FBXO42: variants seen among roughly 807,000 people sequenced by gnomAD.
FBXO42 encodes F-box protein 42.
A neutral mutation model predicts 71.7 loss-of-function variants in FBXO42; 12 were observed. The observed-to-expected ratio is 0.17, with a 90% CI of 0.11 to 0.27. The LOEUF is 0.27. FBXO42 is among the 10% of genes least tolerant of loss of function. The probability of loss-of-function intolerance (pLI) is 1.00; values close to 1 mark genes in which losing one functional copy is unlikely to be tolerated. For synonymous variants in FBXO42, 325 were observed against 327.5 expected, an observed-to-expected ratio of 0.99 and a Z score of 0.08; for missense variants, 707 against 911.9, an observed-to-expected ratio of 0.78 and a Z score of 2.89.
intron 1 of FBXO42, among the ~76,000 whole-genome samples, chr1:16,329,162 CAAA>C (rs1221377687): frequency 8.3e-5 from 5 of 60,448 alleles, no homozygotes; most frequent in Non-Finnish European, 6.6e-5. Flanking sequence ...GACTCTGTCT[CAAA>C]AAAAAAAAAA....
intron 4 of FBXO42, among the ~76,000 whole-genome samples, chr1:16,272,154 C>CAAAAA (rs999974704): frequency 6.7e-5 from 3 of 44,638 alleles, no homozygotes; most frequent in African/African-American, 1.8e-4. Context: ...GACTCCGTCC[C>CAAAAA]AAAAAAAAAA....
chr1:16,270,207 A>G (rs577569875), intron 4 of FBXO42, among the ~76,000 whole-genome samples: 8 of 152,218 alleles, frequency 5.3e-5, no homozygotes, highest in African/African-American at 1.9e-4. Context: ...TAACCCATTA[A>G]TCCAGGAACG....
rs2082479350 is a variant in FBXO42 at position 16,329,598 on chromosome 1, A to C, written c.-17-14163T>G. Reference sequence around the variant, plus strand: ...GACTCCATCTATAAATCAATCAATCAATCAATCCCAAAGTACAAAATGAAT... The same window carrying C: ...GACTCCATCTATAAATCAATCAATCCATCAATCCCAAAGTACAAAATGAAT... On this transcript the variant is annotated intron_variant, in intron 1 of 9. Transcript: ENST00000375592. Among the ~76,000 whole-genome samples, 3 of 151,524 alleles carry C rather than the reference A, an allele frequency of 2.0e-5. No homozygotes were observed. The East Asian group carries it at 5.8e-4, about 29-fold the overall frequency.
At chr1:16,328,904 C>T (rs1055531007) in intron 1 of FBXO42, among the ~76,000 whole-genome samples, 7 of 152,118 alleles carry the variant, frequency 4.6e-5, no homozygotes, top group African/African-American at 1.7e-4. Flanking sequence ...GTGGCTCACG[C>T]CTGTAATCCC....
In FBXO42 at chr1:16,251,269, C is replaced by T. The variant is rs1477764273; in HGVS notation, c.1555G>A (p.Asp519Asn). Residue 519 changes from aspartate (D) to asparagine (N), a missense_variant, in exon 10 of 10, where the codon GAC becomes AAC. Asp to Asn is a conservative substitution (Grantham distance 23). Coordinates refer to ENST00000375592, the MANE Select transcript of FBXO42 (RefSeq NM_018994.3). This position sits in a 1 kb window ranked among gnomAD's most constrained non-coding sequence, Gnocchi z 4.5. ...ASSSNPMDGMDNRTVGGSMRH... is the reference protein window; with the variant it reads ...ASSSNPMDGMNNRTVGGSMRH... ...ATACTTCCCCCAACTGTCCTATTGT[C>T]CATGCCATCCATGGGATTACTACTG... 2.5e-6 allele frequency: 4 copies of T among 1,614,076 alleles called. No individual in the cohort carries two copies. Among genetic ancestry groups the T allele is most frequent in the Non-Finnish European group, 3.4e-6 (4 of 1,180,042 alleles).
At chr1:16,321,694 T>G (rs1256574286) in intron 1 of FBXO42, among the ~76,000 whole-genome samples, 1 of 63,276 alleles carries the variant, frequency 1.6e-5, no homozygotes, top group African/African-American at 6.6e-5. Flanking sequence ...CTCGCAAGGG[T>G]TTTTTTTTTT....
Position 16,303,256 on chromosome 1 carries a change from C to T in FBXO42, c.367+2547G>A, listed in dbSNP as rs545151851. On this transcript the variant is annotated intron_variant, in intron 3 of 9. Transcript: ENST00000375592. ...GCACACTAACGCTGAAGCTTGCTGA[C>T]GGAAGAATGCAAGGCTAGTTGCATG... is the stretch of plus-strand genomic sequence containing the variant. 1.2e-4 allele frequency among the ~76,000 whole-genome samples: 18 copies of T among 152,234 alleles called. No individual in the cohort carries two copies. The East Asian group carries it at 3.3e-3, about 28-fold the overall frequency.
chr1:16,347,102 A>T (rs928587831), intron 1 of FBXO42, among the ~76,000 whole-genome samples: 14 of 152,242 alleles, frequency 9.2e-5, no homozygotes, highest in Middle Eastern at 6.8e-3. Context: ...CTATACATTT[A>T]TCAGATTTAT....
chr1:16,260,823 C>T (rs2081703633), intron 4 of FBXO42, among the ~76,000 whole-genome samples: 1 of 152,106 alleles, frequency 6.6e-6, no homozygotes, highest in Non-Finnish European at 1.5e-5. Flanking sequence ...CCTCAGCCTC[C>T]TAAGCAGCTA....
chr1:16,271,258 GGTGTGTGTGTGTGTGTGTGTGTGTGTGT>G (rs57827739), intron 4 of FBXO42, among the ~76,000 whole-genome samples: 1 of 137,426 alleles, frequency 7.3e-6, no homozygotes, highest in South Asian at 2.5e-4. Context: ...TGTGTGTGTT[GGTGTGTGTGTGTGTGTGTGTGTGTGTGT>G]GTGTGTGTGT....
intron 2 of FBXO42, among the ~76,000 whole-genome samples, chr1:16,313,148 A>T (rs968347881): frequency 6.8e-6 from 1 of 147,774 alleles, no homozygotes; most frequent in African/African-American, 2.5e-5. Flanking sequence ...AGTGCTCTTT[A>T]AAAAAAAAGT....
chr1:16,310,193 C>CAAAA (rs558283325), intron 2 of FBXO42, among the ~76,000 whole-genome samples: 1 of 91,104 alleles, frequency 1.1e-5, no homozygotes, highest in Non-Finnish European at 2.2e-5. Context: ...GACTCCATCT[C>CAAAA]AAAAAAAAAA....
chr1:16,258,556 T>TG (rs1468917529), intron 4 of FBXO42, among the ~76,000 whole-genome samples: 1 of 152,050 alleles, frequency 6.6e-6, no homozygotes, highest in Non-Finnish European at 1.5e-5. Flanking sequence ...GGGGACTCCC[T>TG]GCATTGCCCA....
intron 1 of FBXO42, among the ~76,000 whole-genome samples, chr1:16,339,108 C>T (rs770892272): frequency 2.0e-5 from 3 of 151,980 alleles, no homozygotes; most frequent in Non-Finnish European, 4.4e-5. Flanking sequence ...CCCTGCCCAG[C>T]GGTCATTTAT....
At chr1:16,344,786 A>G (rs181111459) in intron 1 of FBXO42, among the ~76,000 whole-genome samples, 173 of 152,328 alleles carry the variant, frequency 1.1e-3, no homozygotes, top group African/African-American at 4.0e-3. Context: ...AAATATCAAT[A>G]TAAAGTTCTG....
intron 4 of FBXO42, among the ~76,000 whole-genome samples, chr1:16,259,777 A>G (rs1176112901): frequency 1.3e-5 from 2 of 151,698 alleles, no homozygotes; most frequent in Admixed American, 6.6e-5. Context: ...AAAAAAAAAA[A>G]AAAGAAAGAA....
chr1:16,348,007 AAAG>A (rs1377145148), intron 1 of FBXO42, among the ~76,000 whole-genome samples: 1 of 144,958 alleles, frequency 6.9e-6, no homozygotes, highest in African/African-American at 2.8e-5. Context: ...AAAAAAAAAA[AAAG>A]AAAAAAAGAA....
At chr1:16,350,461 A>G (rs2082688001) in intron 1 of FBXO42, among the ~76,000 whole-genome samples, 1 of 151,160 alleles carries the variant, frequency 6.6e-6, no homozygotes. Flanking sequence ...AAAATAGAAA[A>G]GGAGGCTGGG....
At chr1:16,301,679 A>AT (rs2082196427) in intron 3 of FBXO42, among the ~76,000 whole-genome samples, 1 of 139,116 alleles carries the variant, frequency 7.2e-6, no homozygotes, top group South Asian at 2.2e-4. Context: ...TCAAAAAAAA[A>AT]AAAACAACAA....
Sources: gnomAD v4.1 joint callset for allele counts (sites outside exome capture counted in the v4.1 genomes callset) on GRCh38, gnomAD v4.1.1 for gene constraint, Gnocchi (gnomAD v3.1) non-coding constraint, MANE v1.5 for transcripts, NCBI Gene and HGNC (gene_info 2026-07-23, HGNC 2026-07-21) for gene names.